Variants in BHMT2 observed in about 807,000 individuals in gnomAD.
BHMT2 encodes S-methylmethionine--homocysteine S-methyltransferase BHMT2.
Under a neutral mutation model 39.0 loss-of-function variants are expected in BHMT2, and 28 were observed. The ratio of observed to expected loss-of-function variants is 0.72; its 90% confidence interval spans 0.53 to 0.98. The LOEUF is 0.98. Ranked by LOEUF, BHMT2 falls within the 50% of genes least tolerant of loss-of-function variation. The probability of loss-of-function intolerance (pLI) is 0.00; values close to 1 mark genes in which losing one functional copy is unlikely to be tolerated. For missense variants in BHMT2, 410 were observed against 455.6 expected, an observed-to-expected ratio of 0.90 and a Z score of 0.91; for synonymous variants, 145 against 160.6, an observed-to-expected ratio of 0.90 and a Z score of 0.74.
At chr5:79,070,051 A>G (rs1755526482) in intron 1 of BHMT2, among the ~76,000 whole-genome samples, 1 of 152,100 alleles carries the variant, frequency 6.6e-6, no homozygotes, top group Non-Finnish European at 1.5e-5. Flanking sequence ...CATCTTCACA[A>G]TTATCCCCAT....
At chr5:79,082,747 A>T in intron 4 of BHMT2, 62 bp from the exon 5 acceptor site, 1 of 1,577,510 alleles carries the variant, frequency 6.3e-7, no homozygotes, top group Non-Finnish European at 8.6e-7. Context: ...TGCTATATTT[A>T]CCTTTACCAT....
intron 7 of BHMT2, among the ~76,000 whole-genome samples, chr5:79,087,759 T>C (rs1755928979): frequency 6.6e-6 from 1 of 152,234 alleles, no homozygotes; most frequent in Non-Finnish European, 1.5e-5. Flanking sequence ...TAGTTACTTT[T>C]TGGAGAATTA....
In BHMT2 at chr5:79,083,692, G is replaced by A; in HGVS notation, c.846G>A (p.Leu282=). ...AATACGCCAGAGAGGCCTACAACCTGGGGGTCAGGTACATTGGCGGGTGCT... is the reference window on the plus strand; with the variant it reads ...AATACGCCAGAGAGGCCTACAACCTAGGGGTCAGGTACATTGGCGGGTGCT... ...IQKYAREAYN[L]GVRYIGGCCG... The change falls in exon 7 of 8, where the codon CTG becomes CTA. Residue 282 remains leucine (L), a synonymous_variant. Transcript: ENST00000255192. The A allele has an allele frequency of 2.5e-6, 4 of 1,614,104 alleles. No individual in the cohort carries two copies. The highest frequency in any genetic ancestry group is 3.4e-6 in the Non-Finnish European group (4 of 1,180,006).
chr5:79,076,036 C>T (rs954539464), intron 1 of BHMT2, among the ~76,000 whole-genome samples: 1 of 152,140 alleles, frequency 6.6e-6, no homozygotes, highest in Non-Finnish European at 1.5e-5. Context: ...CTTTCTGTAT[C>T]CTGGGGTTCT....
chr5:79,076,471 T>C (rs1755675083), intron 1 of BHMT2, among the ~76,000 whole-genome samples: 1 of 152,178 alleles, frequency 6.6e-6, no homozygotes, highest in Admixed American at 6.5e-5. Flanking sequence ...GCCTGAGGCC[T>C]TTCTGTATCA....
rs559946355 is a variant in BHMT2 at position 79,087,408 on chromosome 5, A to T, written c.1011-1085A>T. 1.1e-4 allele frequency among the ~76,000 whole-genome samples: 16 copies of T among 152,260 alleles called. No individual in the cohort carries two copies. In the South Asian group the frequency reaches 1.7e-3, roughly 16 times the overall value. ...GGTGATGATTAAAATAGTTTAAATA[A>T]GTGAGTAGTTTATTTAATTATCATC... is the stretch of plus-strand genomic sequence containing the variant. On this transcript the variant is annotated intron_variant, in intron 7 of 7. Coordinates refer to ENST00000255192, the MANE Select transcript of BHMT2 (RefSeq NM_017614.5).
At chr5:79,087,034 A>G (rs918364740) in intron 7 of BHMT2, among the ~76,000 whole-genome samples, 3 of 146,564 alleles carry the variant, frequency 2.0e-5, no homozygotes, top group Non-Finnish European at 4.5e-5. Flanking sequence ...ATATATATAT[A>G]TATATATACA....
At chr5:79,077,818 A>G in intron 2 of BHMT2, 2 of 453,826 alleles carry the variant, frequency 4.4e-6, no homozygotes, top group Admixed American at 3.7e-5. Context: ...ACCTACCCAC[A>G]TCACACACCC....
chr5:79,075,798 C>T (rs1420195042), intron 1 of BHMT2, among the ~76,000 whole-genome samples: 1 of 152,190 alleles, frequency 6.6e-6, no homozygotes, highest in African/African-American at 2.4e-5. Flanking sequence ...CCTTATGCCC[C>T]TTGCAGGGTG....
Position 79,082,835 on chromosome 5 carries a change from GT to G in BHMT2, c.478del (p.Trp160GlyfsTer6), listed in dbSNP as rs1755812105. ...ATTTTGAGCACGTTGAAGAAGCTGT[GT>G]GGGCTGTGGAAGTCTTAAAAGAATC... is the stretch of plus-strand genomic sequence containing the variant. ...EYFEHVEEAV[W>X]AVEVLKESDR... On this transcript the variant is annotated frameshift_variant, in exon 5 of 8. Coordinates refer to ENST00000255192, the MANE Select transcript of BHMT2 (RefSeq NM_017614.5). LOFTEE classifies it high-confidence loss of function. 6.2e-7 allele frequency: 1 copy of G among 1,614,196 alleles called. No homozygotes were observed. Among genetic ancestry groups the G allele is most frequent in the East Asian group, 2.2e-5 (1 of 44,890 alleles).
chr5:79,087,772 CT>C (rs1712713134), intron 7 of BHMT2, among the ~76,000 whole-genome samples: 4 of 152,214 alleles, frequency 2.6e-5, no homozygotes, highest in African/African-American at 9.7e-5. Context: ...GAGAATTATA[CT>C]TTGACTCATT....
intron 1 of BHMT2, among the ~76,000 whole-genome samples, chr5:79,071,838 A>T (rs2112691524): frequency 6.6e-6 from 1 of 151,848 alleles, no homozygotes; most frequent in African/African-American, 2.4e-5. Context: ...AAAAAAAAAA[A>T]AAAAAAACTA....
intron 7 of BHMT2, among the ~76,000 whole-genome samples, chr5:79,084,812 C>G (rs1367173782): frequency 6.6e-6 from 1 of 152,224 alleles, no homozygotes; most frequent in Non-Finnish European, 1.5e-5. Context: ...ATTTAAATCA[C>G]ATAGGCTTCC....
chr5:79,070,332 AAGG>A (rs1427645494), intron 1 of BHMT2, among the ~76,000 whole-genome samples: 8 of 152,138 alleles, frequency 5.3e-5, no homozygotes, highest in Non-Finnish European at 7.3e-5. Context: ...AGTCCTGGGC[AAGG>A]ACGCCCCCAG....
In BHMT2 at chr5:79,077,460, G is replaced by T. The variant is rs1294094396; in HGVS notation, c.34-20G>T. On this transcript the variant is annotated intron_variant, in intron 1 of 7. Coordinates refer to ENST00000255192, the MANE Select transcript of BHMT2 (RefSeq NM_017614.5). ...AAAAAAAGTAGAGCGGAGCTTAGGT[G>T]CTTTTTTTCTCTTCTTCAGGGGATT... is the stretch of plus-strand genomic sequence containing the variant. The T allele has an allele frequency of 6.3e-7, 1 of 1,597,970 alleles. No individual in the cohort carries two copies.
chr5:79,088,653 T>A lies in BHMT2; in HGVS notation c.*79T>A. 1 of 1,133,424 alleles carries A rather than the reference T, an allele frequency of 8.8e-7. No homozygotes were observed. The highest frequency in any genetic ancestry group is 1.3e-6 in the Non-Finnish European group (1 of 764,452). 70.2% of individuals were successfully genotyped at this position (1,133,424 alleles called of 1,614,324 possible). A position where few individuals can be genotyped will look rare whatever the true frequency, so the allele number is the denominator to read the frequency against. On this transcript the variant is annotated 3_prime_UTR_variant, in exon 8 of 8. Transcript: ENST00000255192. ...GCCTGACCTGGAACCGTTCCTCACCTTCATCCTCACCATGCCCTGCTATCT... is the reference window on the plus strand; with the variant it reads ...GCCTGACCTGGAACCGTTCCTCACCATCATCCTCACCATGCCCTGCTATCT...
At chr5:79,083,954 A>G (rs1755844465) in intron 7 of BHMT2, 98 bp downstream of exon 7, 1 of 1,453,124 alleles carries the variant, frequency 6.9e-7, no homozygotes, top group African/African-American at 1.4e-5. Flanking sequence ...AAGTATAGAA[A>G]TGTATAAAGT....
At chr5:79,078,522 A>G (rs1243707594) in intron 2 of BHMT2, among the ~76,000 whole-genome samples, 1 of 152,206 alleles carries the variant, frequency 6.6e-6, no homozygotes, top group Non-Finnish European at 1.5e-5. Context: ...TGATTCTTCC[A>G]CTGACCAGCT....
rs770913184 is a variant in BHMT2 at position 79,088,583 on chromosome 5, G to A, written c.*9G>A. ...CAAAGCCAGACTTCTAAGGAGTAGTGAAAGAAAACCCTGAAATAATCGAAC... is the reference window on the plus strand; with the variant it reads ...CAAAGCCAGACTTCTAAGGAGTAGTAAAAGAAAACCCTGAAATAATCGAAC... On this transcript the variant is annotated 3_prime_UTR_variant, in exon 8 of 8. Transcript: ENST00000255192. The A allele has an allele frequency of 1.2e-6, 2 of 1,611,774 alleles. No homozygotes were observed. Among genetic ancestry groups the A allele is most frequent in the South Asian group, 1.1e-5 (1 of 90,626 alleles).
Sources: allele counts gnomAD v4.1 joint callset (sites outside exome capture counted in the v4.1 genomes callset), GRCh38; gene constraint gnomAD v4.1.1; transcripts MANE v1.5; gene names NCBI Gene and HGNC (gene_info 2026-07-23, HGNC 2026-07-21).